The following EPHB1 variants were observed in gnomAD, a reference collection of about 807,000 sequenced individuals.
EPHB1 encodes the protein ephrin type-B receptor 1.
In EPHB1, 30 loss-of-function variants were observed where a neutral mutation model predicts 94.4. That is an observed-to-expected ratio of 0.32 (90% CI 0.24 to 0.43). EPHB1 has a LOEUF of 0.43. Among genes scored for constraint, EPHB1 ranks in the 20% least tolerant of loss-of-function variants. The pLI is 1.00. For synonymous variants in EPHB1, 522 were observed against 489.1 expected (o/e 1.07, Z -0.89); for missense variants, 1,055 against 1,308.3 (o/e 0.81, Z 2.99).
At chr3:135,150,242 T>A (rs1553282) in intron 5 of EPHB1, among the ~76,000 whole-genome samples, 24,573 of 152,214 alleles carry the variant, frequency 0.16, 2,243 homozygotes, top group East Asian at 0.27. Context: ...GAAACTGACG[T>A]GATTCACAAC....
chr3:135,223,413 G>A (rs1453892767), intron 12 of EPHB1, among the ~76,000 whole-genome samples: 1 of 152,174 alleles, frequency 6.6e-6, no homozygotes, highest in East Asian at 1.9e-4. Context: ...GCCAACATGA[G>A]TTCAGTATTT....
At chr3:135,172,861 C>T (rs761347339) in intron 9 of EPHB1, among the ~76,000 whole-genome samples, 1 of 152,194 alleles carries the variant, frequency 6.6e-6, no homozygotes, top group Non-Finnish European at 1.5e-5. Context: ...AAGCCAGAGA[C>T]TCAAGAAACC....
At chr3:135,076,970 G>A (rs937817638) in intron 3 of EPHB1, among the ~76,000 whole-genome samples, 14 of 152,046 alleles carry the variant, frequency 9.2e-5, no homozygotes, top group African/African-American at 3.1e-4. Context: ...TTTACGGGGT[G>A]GTAGACATGC....
At chr3:134,920,774 TC>T (rs1560297339) in intron 1 of EPHB1, among the ~76,000 whole-genome samples, 1 of 152,168 alleles carries the variant, frequency 6.6e-6, no homozygotes, top group Non-Finnish European at 1.5e-5. Flanking sequence ...AGTACCTGCC[TC>T]TTCTTCCTCA....
chr3:135,139,922 T>C (rs181741920), intron 5 of EPHB1, among the ~76,000 whole-genome samples: 1 of 152,318 alleles, frequency 6.6e-6, no homozygotes, highest in East Asian at 1.9e-4. Context: ...GGTATGGGAA[T>C]TCTCCTTCCA....
chr3:135,193,707 C>T (rs2107710434), intron 11 of EPHB1, among the ~76,000 whole-genome samples: 1 of 152,334 alleles, frequency 6.6e-6, no homozygotes, highest in East Asian at 1.9e-4. Context: ...GCTGTGGCTA[C>T]AGATTAAAGG....
At chr3:135,060,716 G>A (rs1341537352) in intron 3 of EPHB1, among the ~76,000 whole-genome samples, 1 of 152,088 alleles carries the variant, frequency 6.6e-6, no homozygotes, top group Non-Finnish European at 1.5e-5. Flanking sequence ...GAGGCATACA[G>A]TGCATAATAA....
intron 3 of EPHB1, among the ~76,000 whole-genome samples, chr3:135,024,869 A>G (rs1229354168): frequency 2.0e-5 from 3 of 151,952 alleles, no homozygotes; most frequent in South Asian, 2.1e-4. Context: ...CCCTTTATCA[A>G]TGCTGAGGAT....
chr3:135,094,902 C>T (rs1938703416), intron 3 of EPHB1, among the ~76,000 whole-genome samples: 1 of 152,228 alleles, frequency 6.6e-6, no homozygotes, highest in Non-Finnish European at 1.5e-5. Flanking sequence ...GAAGGCTCTT[C>T]TGGCCACTCT....
chr3:134,834,989 T>C (rs2036646617), intron 1 of EPHB1, among the ~76,000 whole-genome samples: 1 of 152,226 alleles, frequency 6.6e-6, no homozygotes, highest in Non-Finnish European at 1.5e-5. Flanking sequence ...AAACAAATGC[T>C]ACTTCCTCAG....
At chr3:135,050,267 G>C (rs1317312845) in intron 3 of EPHB1, among the ~76,000 whole-genome samples, 1 of 152,114 alleles carries the variant, frequency 6.6e-6, no homozygotes, top group Admixed American at 6.5e-5. Context: ...AGTTAGACGT[G>C]ACTCTCTTGA....
intron 12 of EPHB1, among the ~76,000 whole-genome samples, chr3:135,227,811 A>G (rs1175604228): frequency 2.0e-5 from 3 of 152,138 alleles, no homozygotes; most frequent in Non-Finnish European, 4.4e-5. Flanking sequence ...CTCATATAAC[A>G]TTTGCCCGGA....
At chr3:134,873,893 T>C (rs1416180868) in intron 1 of EPHB1, among the ~76,000 whole-genome samples, 1 of 152,218 alleles carries the variant, frequency 6.6e-6, no homozygotes, top group Non-Finnish European at 1.5e-5. Flanking sequence ...GTAATCCTAT[T>C]GTGAGGTCAT....
intron 3 of EPHB1, among the ~76,000 whole-genome samples, chr3:135,096,953 A>G (rs556527218): frequency 1.5e-3 from 221 of 152,146 alleles, no homozygotes; most frequent in Middle Eastern, 0.01. Context: ...AAAGTTAGCC[A>G]GGTGTGGTGA....
At chr3:134,956,014 C>T (rs558983456) in intron 3 of EPHB1, among the ~76,000 whole-genome samples, 1 of 152,266 alleles carries the variant, frequency 6.6e-6, no homozygotes, top group South Asian at 2.1e-4. Flanking sequence ...CGAGTTGGCT[C>T]TCAGCAGACT....
chr3:134,968,982 C>T (rs983818488), intron 3 of EPHB1, among the ~76,000 whole-genome samples: 1 of 152,088 alleles, frequency 6.6e-6, no homozygotes, highest in Non-Finnish European at 1.5e-5. Flanking sequence ...TGGATTGTTT[C>T]CAATTTTTGA....
intron 11 of EPHB1, among the ~76,000 whole-genome samples, chr3:135,196,112 T>G (rs1300381984): frequency 1.9e-4 from 29 of 151,422 alleles, no homozygotes; most frequent in South Asian, 6.3e-4. Flanking sequence ...TTCATGTGTT[T>G]TTTGGCTGCA....
intron 3 of EPHB1, among the ~76,000 whole-genome samples, chr3:135,060,567 G>A (rs1937469275): frequency 6.6e-6 from 1 of 152,160 alleles, no homozygotes; most frequent in Admixed American, 6.5e-5. Flanking sequence ...TGGGTCACAT[G>A]TGAACTCAAT....
rs559941084 is a variant in EPHB1, at chr3:135,005,504, C to A, written c.805+53452C>A. On this transcript the variant is annotated intron_variant, in intron 3 of 15. Coordinates refer to ENST00000398015, the MANE Select transcript of EPHB1 (RefSeq NM_004441.5). ...GCTCCACCCAGTTAGAGCTTCCTGG[C>A]TGCTTTGTTTACCTAAGCAAGCCTG... 5.6e-3 allele frequency among the ~76,000 whole-genome samples: 850 copies of A among 152,318 alleles called. 9 individuals carry two copies. Among genetic ancestry groups the A allele is most frequent in the African/African-American group, 0.02 (816 of 41,574 alleles).
Sources: allele counts gnomAD v4.1 joint callset (sites outside exome capture counted in the v4.1 genomes callset), GRCh38; gene constraint gnomAD v4.1.1; transcripts MANE v1.5; gene names NCBI Gene and HGNC (gene_info 2026-07-23, HGNC 2026-07-21).